RORA: variants seen among roughly 807,000 people sequenced by gnomAD.
The protein encoded by RORA is RAR related orphan receptor A.
A neutral mutation model predicts 69.5 loss-of-function variants in RORA; 7 were observed. The ratio of observed to expected loss-of-function variants is 0.10; its 90% confidence interval spans 0.06 to 0.19. The LOEUF is 0.19. RORA is among the 10% of genes least tolerant of loss of function. The pLI, the probability that RORA is intolerant of heterozygous loss-of-function variation, is 1.00. For synonymous variants in RORA, 261 were observed against 240.8 expected (o/e 1.08, Z -0.78); for missense variants, 457 against 663.0 (o/e 0.69, Z 3.41).
intron 1 of RORA, among the ~76,000 whole-genome samples, chr15:60,684,614 C>A (rs1165582791): frequency 1.3e-5 from 2 of 152,212 alleles, no homozygotes; most frequent in Non-Finnish European, 2.9e-5. Context: ...GAGACTCCAT[C>A]TCAAACAAAC....
intron 1 of RORA, among the ~76,000 whole-genome samples, chr15:61,042,462 T>C (rs1767367535): frequency 6.6e-6 from 1 of 152,228 alleles, no homozygotes; most frequent in Non-Finnish European, 1.5e-5. Context: ...TACTACCCGC[T>C]GGAGTACGGA....
intron 1 of RORA, among the ~76,000 whole-genome samples, chr15:60,935,807 CA>C (rs1892502856): frequency 6.6e-6 from 1 of 152,214 alleles, no homozygotes; most frequent in Non-Finnish European, 1.5e-5. Context: ...CACAAATGAT[CA>C]GCAAAATGTG....
At chr15:61,012,376 C>G (rs561702650) in intron 1 of RORA, among the ~76,000 whole-genome samples, 1 of 152,310 alleles carries the variant, frequency 6.6e-6, no homozygotes, top group South Asian at 2.1e-4. Context: ...GTCTCACAAA[C>G]ACTAACTTGT....
chr15:61,056,149 G>A (rs2078093302), intron 1 of RORA, among the ~76,000 whole-genome samples: 1 of 152,140 alleles, frequency 6.6e-6, no homozygotes, highest in Non-Finnish European at 1.5e-5. Flanking sequence ...CAAAAAATAA[G>A]AAACCAGGAA....
At chr15:60,503,724 G>C in intron 6 of RORA, 57 bp from the exon 7 acceptor site, 1 of 1,598,202 alleles carries the variant, frequency 6.3e-7, no homozygotes, top group Non-Finnish European at 8.5e-7. Context: ...TTTTGTAGCA[G>C]AAGCTGCAGA....
chr15:61,100,397 G>A (rs1176063248), intron 1 of RORA, among the ~76,000 whole-genome samples: 2 of 152,188 alleles, frequency 1.3e-5, no homozygotes, highest in Middle Eastern at 6.3e-3. Context: ...GAGGATTACA[G>A]GCATGACCAG....
chr15:61,085,638 C>T (rs1293928688), intron 1 of RORA, among the ~76,000 whole-genome samples: 1 of 152,236 alleles, frequency 6.6e-6, no homozygotes, highest in Non-Finnish European at 1.5e-5. Context: ...GCCCCTTTCA[C>T]TCCTTACATC....
intron 3 of RORA, among the ~76,000 whole-genome samples, chr15:60,523,221 A>C (rs1401423849): frequency 6.6e-6 from 1 of 152,198 alleles, no homozygotes; most frequent in African/African-American, 2.4e-5. Context: ...TGGCGAATGA[A>C]TGAAGTTCCA....
intron 2 of RORA, among the ~76,000 whole-genome samples, chr15:60,582,953 C>A (rs763041972): frequency 1.3e-5 from 2 of 152,128 alleles, no homozygotes; most frequent in African/African-American, 2.4e-5. Context: ...TTATCTAGTT[C>A]ATTGATATGT....
At chr15:60,645,886 A>C (rs2070034597) in intron 2 of RORA, among the ~76,000 whole-genome samples, 3 of 152,006 alleles carry the variant, frequency 2.0e-5, no homozygotes, top group Non-Finnish European at 4.4e-5. Flanking sequence ...TGCCATATAC[A>C]CACAGACGCA....
At chr15:61,143,070 T>C (rs1294101080) in intron 1 of RORA, among the ~76,000 whole-genome samples, 1 of 152,152 alleles carries the variant, frequency 6.6e-6, no homozygotes, top group Non-Finnish European at 1.5e-5. Context: ...TTGCAGATTA[T>C]ACATATATGT....
At chr15:61,223,715 G>A (rs1316484942) in intron 1 of RORA, among the ~76,000 whole-genome samples, 1 of 152,094 alleles carries the variant, frequency 6.6e-6, no homozygotes, top group Non-Finnish European at 1.5e-5. Flanking sequence ...TCTAGAGTAG[G>A]AAACGGGACT....
intron 1 of RORA, among the ~76,000 whole-genome samples, chr15:61,084,067 G>T (rs944048220): frequency 3.6e-4 from 55 of 152,182 alleles, no homozygotes; most frequent in Non-Finnish European, 7.5e-4. Flanking sequence ...GTAACGTGAA[G>T]TGAGAGACAT....
chr15:60,845,729 C>T (rs1455708487), intron 1 of RORA, among the ~76,000 whole-genome samples: 2 of 152,220 alleles, frequency 1.3e-5, no homozygotes, highest in East Asian at 3.9e-4. Context: ...AATTATACAC[C>T]TCAGTATGTG....
intron 2 of RORA, among the ~76,000 whole-genome samples, chr15:60,611,882 G>A (rs1183675617): frequency 6.6e-6 from 1 of 152,118 alleles, no homozygotes; most frequent in African/African-American, 2.4e-5. Context: ...ATCCTGTCAC[G>A]CAGCGGAAGG....
intron 2 of RORA, among the ~76,000 whole-genome samples, chr15:60,635,867 A>C (rs1288648181): frequency 1.3e-5 from 2 of 152,120 alleles, no homozygotes; most frequent in African/African-American, 4.8e-5. Flanking sequence ...CAGCCTGTTC[A>C]TCTCCTATCC....
At chr15:60,798,297 A>G (rs1595722761) in intron 1 of RORA, among the ~76,000 whole-genome samples, 1 of 151,840 alleles carries the variant, frequency 6.6e-6, no homozygotes, top group Non-Finnish European at 1.5e-5. Flanking sequence ...CAAAATATGT[A>G]TGGAATATTT....
chr15:61,094,427 G>A (rs935320257), intron 1 of RORA, among the ~76,000 whole-genome samples: 28 of 152,130 alleles, frequency 1.8e-4, no homozygotes, highest in African/African-American at 6.5e-4. Context: ...CTCAGCTGTT[G>A]CTGTCTGGTG....
At chr15:60,931,833 G>A (rs1892381667) in intron 1 of RORA, among the ~76,000 whole-genome samples, 1 of 152,202 alleles carries the variant, frequency 6.6e-6, no homozygotes. Flanking sequence ...GAGTTCTCCA[G>A]CTAAATATTC....
Sources: gnomAD v4.1 joint callset for allele counts (sites outside exome capture counted in the v4.1 genomes callset) on GRCh38, gnomAD v4.1.1 for gene constraint, MANE v1.5 for transcripts, NCBI Gene and HGNC (gene_info 2026-07-23, HGNC 2026-07-21) for gene names.